MAMDC2: variants seen among roughly 807,000 people sequenced by gnomAD.
MAMDC2 encodes the protein MAM domain containing 2.
Under a neutral mutation model 89.8 loss-of-function variants are expected in MAMDC2, and 57 were observed. The observed-to-expected ratio is 0.63, with a 90% CI of 0.51 to 0.79. The LOEUF is 0.79. MAMDC2 is among the 30% of genes least tolerant of loss of function. The pLI is 0.00. For missense variants in MAMDC2, 800 were observed against 820.6 expected, an observed-to-expected ratio of 0.97 and a Z score of 0.31; for synonymous variants, 313 against 293.4, an observed-to-expected ratio of 1.07 and a Z score of -0.68.
chr9:70,138,208 C>A (rs1277931714), intron 7 of MAMDC2, among the ~76,000 whole-genome samples: 1 of 152,088 alleles, frequency 6.6e-6, no homozygotes, highest in African/African-American at 2.4e-5. Context: ...ACCTCCAATT[C>A]CAACCATGTT....
At chr9:70,136,332 G>A (rs2031009324) in intron 7 of MAMDC2, among the ~76,000 whole-genome samples, 5 of 152,156 alleles carry the variant, frequency 3.3e-5, no homozygotes, top group Admixed American at 3.3e-4. Flanking sequence ...TTTGTAATAT[G>A]TATTTAAGTT....
At chr9:70,089,794 A>G (rs1563948466) in intron 2 of MAMDC2, among the ~76,000 whole-genome samples, 1 of 152,188 alleles carries the variant, frequency 6.6e-6, no homozygotes. Context: ...GATTACTTAA[A>G]TAGATTAGTA....
At chr9:70,076,475 G>A (rs1827536973) in intron 2 of MAMDC2, among the ~76,000 whole-genome samples, 1 of 152,022 alleles carries the variant, frequency 6.6e-6, no homozygotes, top group South Asian at 2.1e-4. Context: ...CTAGGCAATG[G>A]ATCCTGTTCA....
At chr9:70,223,192 G>A (rs1437586031) in intron 12 of MAMDC2, among the ~76,000 whole-genome samples, 1 of 147,968 alleles carries the variant, frequency 6.8e-6, no homozygotes, top group African/African-American at 2.5e-5. Context: ...TGTTTATGAT[G>A]CCCATAGTAA....
At chr9:70,067,655 A>G (rs369820561) in intron 2 of MAMDC2, among the ~76,000 whole-genome samples, 1 of 152,362 alleles carries the variant, frequency 6.6e-6, no homozygotes, top group Admixed American at 6.5e-5. Context: ...ATTGGCTGGT[A>G]TGATCTTACA....
At chr9:70,171,528 C>A (rs2032347805) in intron 11 of MAMDC2, among the ~76,000 whole-genome samples, 1 of 152,048 alleles carries the variant, frequency 6.6e-6, no homozygotes, top group African/African-American at 2.4e-5. Flanking sequence ...TTAAAAAGTA[C>A]CTTCCATAGA....
At chr9:70,215,592 A>G (rs1046354653) in intron 11 of MAMDC2, among the ~76,000 whole-genome samples, 11 of 152,222 alleles carry the variant, frequency 7.2e-5, no homozygotes, top group Admixed American at 3.9e-4. Context: ...AGAGTATCCT[A>G]AAGGAGGTTT....
chr9:70,206,378 C>A (rs776369599), intron 11 of MAMDC2, among the ~76,000 whole-genome samples: 2 of 152,114 alleles, frequency 1.3e-5, no homozygotes, highest in Non-Finnish European at 1.5e-5. Context: ...AGTCTATACA[C>A]GGCTTGGTAT....
intron 2 of MAMDC2, among the ~76,000 whole-genome samples, chr9:70,058,432 T>C (rs1827072718): frequency 6.6e-6 from 1 of 152,234 alleles, no homozygotes; most frequent in Non-Finnish European, 1.5e-5. Context: ...ATAGAAATAA[T>C]AATAGTTATA....
At chr9:70,056,054 T>G (rs1827017694) in intron 2 of MAMDC2, among the ~76,000 whole-genome samples, 1 of 152,146 alleles carries the variant, frequency 6.6e-6, no homozygotes, top group African/African-American at 2.4e-5. Flanking sequence ...TTTGAAAAAC[T>G]TTTGCCTCAC....
intron 6 of MAMDC2, among the ~76,000 whole-genome samples, chr9:70,126,816 T>G (rs1018143815): frequency 1.3e-5 from 2 of 151,802 alleles, no homozygotes; most frequent in Non-Finnish European, 2.9e-5. Flanking sequence ...TTTCCTTACT[T>G]GAGTGAACTG....
At chr9:70,051,919 A>ATAGATAGG (rs1554665171) in intron 2 of MAMDC2, among the ~76,000 whole-genome samples, 2 of 152,136 alleles carry the variant, frequency 1.3e-5, no homozygotes, top group African/African-American at 2.4e-5. Flanking sequence ...AGATAGATAG[A>ATAGATAGG]TAGATAGACA....
intron 11 of MAMDC2, among the ~76,000 whole-genome samples, chr9:70,185,683 G>A (rs968653366): frequency 1.2e-4 from 18 of 152,264 alleles, no homozygotes; most frequent in South Asian, 6.2e-4. Context: ...AGCACTGTCC[G>A]GGAAAAACTG....
intron 12 of MAMDC2, among the ~76,000 whole-genome samples, chr9:70,222,809 A>G (rs1163551530): frequency 1.3e-5 from 2 of 152,100 alleles, no homozygotes; most frequent in African/African-American, 2.4e-5. Flanking sequence ...ACTGCCTAAC[A>G]GTTACTAGGA....
At chr9:70,081,115 T>G (rs1827641966) in intron 2 of MAMDC2, among the ~76,000 whole-genome samples, 1 of 152,170 alleles carries the variant, frequency 6.6e-6, no homozygotes, top group Admixed American at 6.6e-5. Context: ...GAAGAGAGAC[T>G]GTCAGCTGTT....
At chr9:70,198,189 C>CACACACAATATATATATACACACAT (rs2033014706) in intron 11 of MAMDC2, among the ~76,000 whole-genome samples, 4 of 148,210 alleles carry the variant, frequency 2.7e-5, no homozygotes, top group African/African-American at 9.9e-5. Context: ...TATACACACA[C>CACACACAATATATATATACACACAT]ACACACACAA....
rs144650303 is a variant in MAMDC2, at chr9:70,191,278, C to T, written c.1651+20647C>T. 3.3e-4 allele frequency among the ~76,000 whole-genome samples: 50 copies of T among 152,248 alleles called. No individual in the cohort carries two copies. In the East Asian group the frequency reaches 8.3e-3, roughly 25 times the overall value. ...AGATTTTCAGAAGTCCTTACTCCACCATTTCAAAGGTTCCATATTCCTCCC... is the reference window on the plus strand; with the variant it reads ...AGATTTTCAGAAGTCCTTACTCCACTATTTCAAAGGTTCCATATTCCTCCC... On this transcript the variant is annotated intron_variant, in intron 11 of 13. Coordinates refer to ENST00000377182, the MANE Select transcript of MAMDC2 (RefSeq NM_153267.5).
chr9:70,084,855 G>T (rs905279925), intron 2 of MAMDC2, among the ~76,000 whole-genome samples: 2 of 150,478 alleles, frequency 1.3e-5, no homozygotes, highest in African/African-American at 4.9e-5. Context: ...TGGCCAGAAA[G>T]GGGAAAAGTC....
chr9:70,073,224 G>C (rs1375919010), intron 2 of MAMDC2, among the ~76,000 whole-genome samples: 1 of 152,230 alleles, frequency 6.6e-6, no homozygotes, highest in South Asian at 2.1e-4. Flanking sequence ...CAAATGTCTT[G>C]CCAAGCTTAA....
Sources: allele counts gnomAD v4.1 joint callset (sites outside exome capture counted in the v4.1 genomes callset), GRCh38; gene constraint gnomAD v4.1.1; transcripts MANE v1.5; gene names NCBI Gene and HGNC (gene_info 2026-07-23, HGNC 2026-07-21).